Variants in RYR2 observed in about 807,000 individuals in gnomAD.
RYR2 encodes the protein ryanodine receptor 2.
RYR2 carries 227 observed loss-of-function variants against 601.1 expected under a neutral mutation model. The observed-to-expected ratio is 0.38, with a 90% CI of 0.34 to 0.42. The LOEUF (loss-of-function observed/expected upper bound fraction) is 0.42, where lower values mean the gene tolerates loss of function less well. Among genes scored for constraint, RYR2 ranks in the 10% least tolerant of loss-of-function variants. The pLI is 1.00. For synonymous variants in RYR2, 2,223 were observed against 2,175.1 expected (o/e 1.02, Z -0.61); for missense variants, 4,646 against 6,156.5 (o/e 0.75, Z 8.21).
chr1:237,258,978 G>A (rs1046493588), intron 1 of RYR2, among the ~76,000 whole-genome samples: 1 of 151,932 alleles, frequency 6.6e-6, no homozygotes, highest in African/African-American at 2.4e-5. Flanking sequence ...TGCTTGGCCA[G>A]CTGCCATCTC....
intron 80 of RYR2, among the ~76,000 whole-genome samples, chr1:237,749,608 C>T (rs1692372500): frequency 6.6e-6 from 1 of 151,940 alleles, no homozygotes; most frequent in Non-Finnish European, 1.5e-5. Context: ...GCTTTCTGTT[C>T]TTTGAACAAA....
At chr1:237,204,400 T>C (rs918390823) in intron 1 of RYR2, among the ~76,000 whole-genome samples, 1 of 152,114 alleles carries the variant, frequency 6.6e-6, no homozygotes, top group African/African-American at 2.4e-5. Flanking sequence ...TTTTTGAATA[T>C]ACTAGAATTT....
At chr1:237,808,459 G>A (rs1660884993) in intron 99 of RYR2, among the ~76,000 whole-genome samples, 1 of 151,918 alleles carries the variant, frequency 6.6e-6, no homozygotes, top group Admixed American at 6.6e-5. Flanking sequence ...TCGGGAGTTC[G>A]AGACCAGCCT....
intron 2 of RYR2, among the ~76,000 whole-genome samples, chr1:237,314,989 T>G (rs1694969825): frequency 6.6e-6 from 1 of 152,302 alleles, no homozygotes; most frequent in African/African-American, 2.4e-5. Flanking sequence ...GAATCAAAAC[T>G]AACAGAAACC....
At chr1:237,750,014 C>T (rs773303439) in intron 80 of RYR2, among the ~76,000 whole-genome samples, 5 of 151,778 alleles carry the variant, frequency 3.3e-5, no homozygotes, top group Non-Finnish European at 4.4e-5. Context: ...GGCATGGTGG[C>T]GGGCGCCTGT....
chr1:237,770,659 C>T, intron 84 of RYR2, 148 bp from the exon 85 acceptor site: 1 of 519,916 alleles, frequency 1.9e-6, no homozygotes, highest in East Asian at 3.2e-5. Context: ...ATCTTATGAG[C>T]TTCAGATAGA....
At chr1:237,827,627 C>CA (rs55896893) in intron 101 of RYR2, among the ~76,000 whole-genome samples, 15,329 of 79,014 alleles carry the variant, frequency 0.19, 1,723 homozygotes, top group Middle Eastern at 0.28. Flanking sequence ...AAGACTGTCT[C>CA]AAAAAAAAAA....
chr1:237,782,601 C>T (rs1695213989), intron 89 of RYR2, among the ~76,000 whole-genome samples: 1 of 152,152 alleles, frequency 6.6e-6, no homozygotes, highest in Non-Finnish European at 1.5e-5. Context: ...ACCCTTTAAA[C>T]ACAGGATCCA....
chr1:237,368,823 A>G lies in RYR2; in HGVS notation c.310-711A>G, dbSNP rs557238065. Among the ~76,000 whole-genome samples the G allele has an allele frequency of 2.6e-3, 394 of 151,124 alleles. 3 individuals carry two copies. Among genetic ancestry groups the G allele is most frequent in the Middle Eastern group, 6.8e-3 (2 of 294 alleles). On this transcript the variant is annotated intron_variant, in intron 5 of 104. Transcript: ENST00000366574. Reference sequence around the variant, plus strand: ...CGTTTATTTATTTATTTATTTATTTATTTATTTATTTATTTATTAAGATAG... The same window carrying G: ...CGTTTATTTATTTATTTATTTATTTGTTTATTTATTTATTTATTAAGATAG...
intron 2 of RYR2, among the ~76,000 whole-genome samples, chr1:237,303,784 G>C (rs898249074): frequency 6.6e-6 from 1 of 152,250 alleles, no homozygotes; most frequent in Non-Finnish European, 1.5e-5. Flanking sequence ...ATCTGCCTCA[G>C]TGATAACTCA....
chr1:237,145,708 G>GT (rs1451781220), intron 1 of RYR2, among the ~76,000 whole-genome samples: 2 of 152,122 alleles, frequency 1.3e-5, no homozygotes, highest in Admixed American at 6.5e-5. Flanking sequence ...TAGATGACCA[G>GT]TTTTTTGAAA....
At chr1:237,077,495 A>C (rs1665116668) in intron 1 of RYR2, among the ~76,000 whole-genome samples, 1 of 133,260 alleles carries the variant, frequency 7.5e-6, no homozygotes, top group Non-Finnish European at 1.7e-5. Flanking sequence ...GATAAAACAG[A>C]CTTTAAACCA....
chr1:237,224,753 G>A (rs188487100), intron 1 of RYR2, among the ~76,000 whole-genome samples: 48 of 152,252 alleles, frequency 3.2e-4, no homozygotes, highest in Admixed American at 2.0e-4. Context: ...CTAGCTACTA[G>A]AGGGGCTAAA....
At chr1:237,476,978 A>G (rs1661477978) in intron 17 of RYR2, among the ~76,000 whole-genome samples, 1 of 152,212 alleles carries the variant, frequency 6.6e-6, no homozygotes, top group African/African-American at 2.4e-5. Flanking sequence ...TTCCCTTTGC[A>G]TAGCCCTTTA....
chr1:237,043,957 G>T (rs1481772904), intron 1 of RYR2, among the ~76,000 whole-genome samples: 1 of 152,150 alleles, frequency 6.6e-6, no homozygotes, highest in Non-Finnish European at 1.5e-5. Flanking sequence ...TGCATTAAAC[G>T]GACTGGGAGA....
rs10551995 is a variant in RYR2, at chr1:237,538,394, CA to C, written c.2906+7917del. ...TGGGTGACAGAGCAAGACTCTGTCT[CA>C]AAAAAAAAAAAAAAAAAAAAAAAAA... On this transcript the variant is annotated intron_variant, in intron 25 of 104. Coordinates refer to ENST00000366574, the MANE Select transcript of RYR2 (RefSeq NM_001035.3). 8.4e-3 allele frequency among the ~76,000 whole-genome samples: 275 copies of C among 32,840 alleles called. 44 individuals are homozygous for C. Among genetic ancestry groups the C allele is most frequent in the Non-Finnish European group, 0.01 (212 of 20,486 alleles). The allele number at this position is 32,840 out of a possible 152,430, so 21.5% of individuals were successfully genotyped here. A position where few individuals can be genotyped will look rare whatever the true frequency, so the allele number is the denominator to read the frequency against.
In RYR2 at chr1:237,798,189, C is replaced by T. The variant is rs534019715; in HGVS notation, c.14090+19C>T. Reference sequence around the variant, plus strand: ...CAGCTGTGTAAGTGTTACTTCGGCTCTATCCTACAGACTTAGATTGAAAGG... The same window carrying T: ...CAGCTGTGTAAGTGTTACTTCGGCTTTATCCTACAGACTTAGATTGAAAGG... On this transcript the variant is annotated intron_variant, in intron 97 of 104. Coordinates refer to ENST00000366574, the MANE Select transcript of RYR2 (RefSeq NM_001035.3). 6.8e-6 allele frequency: 11 copies of T among 1,607,120 alleles called. No homozygotes were observed. In the East Asian group the frequency reaches 2.0e-4, roughly 29 times the overall value.
intron 14 of RYR2, among the ~76,000 whole-genome samples, chr1:237,452,171 TAC>T (rs1406914183): frequency 1.4e-5 from 2 of 148,130 alleles, no homozygotes; most frequent in African/African-American, 5.0e-5. Context: ...TGTGTGTGTA[TAC>T]GTGGAAGTGT....
chr1:237,425,182 C>CA (rs1706021482), intron 12 of RYR2, among the ~76,000 whole-genome samples: 1 of 151,870 alleles, frequency 6.6e-6, no homozygotes. Context: ...TTAGAAAATA[C>CA]AAAAAAAAGT....
Sources: allele counts gnomAD v4.1 joint callset (sites outside exome capture counted in the v4.1 genomes callset), GRCh38; gene constraint gnomAD v4.1.1; transcripts MANE v1.5; gene names NCBI Gene and HGNC (gene_info 2026-07-23, HGNC 2026-07-21).